Variants in CDH18 observed in about 807,000 individuals in gnomAD.
CDH18 encodes the protein cadherin-18.
In CDH18, 31 loss-of-function variants were observed where a neutral mutation model predicts 67.9. The observed-to-expected ratio is 0.46, with a 90% CI of 0.34 to 0.62. The LOEUF is 0.62. Among genes scored for constraint, CDH18 ranks in the 20% least tolerant of loss-of-function variants. The pLI is 0.01. For missense variants in CDH18, 890 were observed against 975.5 expected (o/e 0.91, Z 1.17); for synonymous variants, 362 against 347.2 (o/e 1.04, Z -0.48).
At chr5:20,438,163 G>A (rs997807268) in intron 1 of CDH18, among the ~76,000 whole-genome samples, 1 of 150,706 alleles carries the variant, frequency 6.6e-6, no homozygotes, top group African/African-American at 2.4e-5. Context: ...CACGAATAAA[G>A]TACTTTCCTT....
intron 4 of CDH18, among the ~76,000 whole-genome samples, chr5:19,744,503 TACAC>T (rs34059092): frequency 0.03 from 4,359 of 146,336 alleles, 193 homozygotes; most frequent in African/African-American, 0.098. Context: ...TAACTCAGTG[TACAC>T]ACACACACAC....
Position 20,488,983 on chromosome 5 carries a change from C to T in CDH18, c.-580+86479G>A, listed in dbSNP as rs112667515. Among the ~76,000 whole-genome samples the T allele has an allele frequency of 8.0e-4, 122 of 152,032 alleles. 2 individuals carry two copies. Among genetic ancestry groups the T allele is most frequent in the African/African-American group, 2.6e-3 (110 of 41,534 alleles). On this transcript the variant is annotated intron_variant, in intron 1 of 14. Transcript: ENST00000507958. ...CTCTTTAGTGGGGAGAATACAGTTA[C>T]CGAATACAGACTCCATATTCCTCAG...
intron 1 of CDH18, among the ~76,000 whole-genome samples, chr5:20,384,184 T>C (rs1744128053): frequency 6.6e-6 from 1 of 152,212 alleles, no homozygotes; most frequent in Non-Finnish European, 1.5e-5. Context: ...AAATGTTGCA[T>C]GACAGACCTC....
At chr5:20,334,218 C>T (rs1183404138) in intron 1 of CDH18, among the ~76,000 whole-genome samples, 15 of 147,036 alleles carry the variant, frequency 1.0e-4, no homozygotes, top group East Asian at 4.2e-4. Context: ...CTGCAGGCTC[C>T]GCCCCCTGGG....
At chr5:20,259,273 G>T (rs562676279) in intron 1 of CDH18, among the ~76,000 whole-genome samples, 1 of 152,240 alleles carries the variant, frequency 6.6e-6, no homozygotes, top group South Asian at 2.1e-4. Context: ...ATGGCACTGT[G>T]CTATGCAGTA....
intron 5 of CDH18, among the ~76,000 whole-genome samples, chr5:19,617,539 C>T (rs1359492108): frequency 6.6e-6 from 1 of 152,116 alleles, no homozygotes; most frequent in East Asian, 1.9e-4. Flanking sequence ...AAATAAAATG[C>T]TTCTCTTTTC....
chr5:19,587,640 A>G (rs1580354608), intron 7 of CDH18, among the ~76,000 whole-genome samples: 1 of 126,120 alleles, frequency 7.9e-6, no homozygotes, highest in Non-Finnish European at 1.7e-5. Flanking sequence ...ATTGTTTTCC[A>G]TTGGTCTGTG....
At chr5:19,912,369 C>G (rs1791248671) in intron 2 of CDH18, among the ~76,000 whole-genome samples, 1 of 152,000 alleles carries the variant, frequency 6.6e-6, no homozygotes, top group South Asian at 2.1e-4. Flanking sequence ...TGAAGAGCAT[C>G]CATGGATTTA....
At chr5:20,318,427 T>C (rs1482771618) in intron 1 of CDH18, among the ~76,000 whole-genome samples, 1 of 152,170 alleles carries the variant, frequency 6.6e-6, no homozygotes, top group Non-Finnish European at 1.5e-5. Flanking sequence ...AAATCTCATG[T>C]AGAACTGTAG....
At chr5:19,761,058 G>A (rs1171870199) in intron 3 of CDH18, among the ~76,000 whole-genome samples, 4 of 152,066 alleles carry the variant, frequency 2.6e-5, no homozygotes, top group Non-Finnish European at 4.4e-5. Context: ...AAGTTTCAGG[G>A]TCCCCTTCTT....
intron 6 of CDH18, among the ~76,000 whole-genome samples, chr5:19,609,036 TGAC>T (rs1423184368): frequency 3.9e-5 from 6 of 151,958 alleles, no homozygotes; most frequent in African/African-American, 1.4e-4. Flanking sequence ...TAAATGTCAG[TGAC>T]TTTTTAACCT....
At chr5:19,756,239 GAAATA>G (rs1481631505) in intron 3 of CDH18, among the ~76,000 whole-genome samples, 3 of 152,056 alleles carry the variant, frequency 2.0e-5, no homozygotes, top group South Asian at 4.1e-4. Context: ...TATGATAAAG[GAAATA>G]AAATAAAGAT....
chr5:19,958,547 G>A (rs544427432), intron 2 of CDH18, among the ~76,000 whole-genome samples: 7 of 151,902 alleles, frequency 4.6e-5, no homozygotes, highest in African/African-American at 9.7e-5. Context: ...CCTAGCACAC[G>A]CCAGGAACTT....
chr5:19,755,039 A>G (rs1771342596), intron 3 of CDH18, among the ~76,000 whole-genome samples: 1 of 152,012 alleles, frequency 6.6e-6, no homozygotes, highest in South Asian at 2.1e-4. Flanking sequence ...ATAGCCCTAA[A>G]TGCCTACATC....
intron 5 of CDH18, among the ~76,000 whole-genome samples, chr5:19,682,811 G>A (rs535885262): frequency 6.6e-6 from 1 of 152,160 alleles, no homozygotes; most frequent in African/African-American, 2.4e-5. Flanking sequence ...AGGACATGAA[G>A]TGTTAGTTTC....
chr5:19,745,324 C>T (rs796362899), intron 4 of CDH18, among the ~76,000 whole-genome samples: 5 of 152,300 alleles, frequency 3.3e-5, no homozygotes, highest in African/African-American at 9.6e-5. Context: ...CTCCAATGCT[C>T]GTATTGGCTA....
chr5:19,923,085 A>T (rs1284225238), intron 2 of CDH18, among the ~76,000 whole-genome samples: 1 of 152,152 alleles, frequency 6.6e-6, no homozygotes, highest in Non-Finnish European at 1.5e-5. Context: ...TATAAGTGAC[A>T]CTGTGTCTTT....
intron 1 of CDH18, among the ~76,000 whole-genome samples, chr5:20,501,581 T>TATTA (rs1554010522): frequency 7.7e-5 from 1 of 13,054 alleles, no homozygotes; most frequent in African/African-American, 2.1e-4. Context: ...TATATATATA[T>TATTA]TATATATATA....
intron 2 of CDH18, among the ~76,000 whole-genome samples, chr5:20,039,233 T>A (rs1740185300): frequency 6.6e-6 from 1 of 152,156 alleles, no homozygotes; most frequent in African/African-American, 2.4e-5. Flanking sequence ...TGTTCATGGA[T>A]AGGAAGAATC....
Sources: gnomAD v4.1 joint callset for allele counts (sites outside exome capture counted in the v4.1 genomes callset) on GRCh38, gnomAD v4.1.1 for gene constraint, MANE v1.5 for transcripts, NCBI Gene and HGNC (gene_info 2026-07-23, HGNC 2026-07-21) for gene names.